Variants in DMD observed in about 807,000 individuals in gnomAD.
The protein encoded by DMD is dystrophin.
In DMD, 63 loss-of-function variants were observed where a neutral mutation model predicts 330.1. The observed-to-expected ratio is 0.19, with a 90% confidence interval of 0.16 to 0.24. The LOEUF (loss-of-function observed/expected upper bound fraction) is 0.24, where lower values mean the gene tolerates loss of function less well. Ranked by LOEUF, DMD falls within the 10% of genes least tolerant of loss-of-function variation. The pLI is 1.00. For missense variants in DMD, 3,344 were observed against 2,684.1 expected (o/e 1.25, Z -5.43); for synonymous variants, 1,223 against 959.8 (o/e 1.27, Z -5.07).
intron 41 of DMD, among the ~76,000 whole-genome samples, chrX:32,324,230 G>T (rs952042227): frequency 6.3e-5 from 7 of 111,284 alleles, no homozygotes; most frequent in African/African-American, 2.3e-4. Flanking sequence ...TACATTCTAT[G>T]CATGTAGCAA....
chrX:32,722,314 C>A (rs115396686), intron 7 of DMD, among the ~76,000 whole-genome samples: 1,862 of 110,530 alleles, frequency 0.017, 45 homozygotes, highest in African/African-American at 0.057. Context: ...AATATTAATA[C>A]AAGTAAAAAT....
intron 2 of DMD, among the ~76,000 whole-genome samples, chrX:32,865,012 T>A (rs1348636652): frequency 9.0e-6 from 1 of 111,692 alleles, no homozygotes; most frequent in East Asian, 2.8e-4. Context: ...AGTTGTAAGT[T>A]AAATAATATA....
intron 7 of DMD, among the ~76,000 whole-genome samples, chrX:32,727,795 C>T (rs1484694546): frequency 2.7e-5 from 3 of 110,612 alleles, no homozygotes; most frequent in Non-Finnish European, 5.7e-5. Context: ...AAAATATATT[C>T]CAATTCACTT....
At chrX:31,295,238 G>A (rs778068808) in intron 62 of DMD, among the ~76,000 whole-genome samples, 4 of 110,509 alleles carry the variant, frequency 3.6e-5, no homozygotes, top group Middle Eastern at 9.3e-3. Context: ...CTTGTGATCC[G>A]CCCACCTCGG....
At chrX:31,248,558 G>A (rs1270308466) in intron 63 of DMD, among the ~76,000 whole-genome samples, 1 of 111,552 alleles carries the variant, frequency 9.0e-6, no homozygotes, top group Admixed American at 9.5e-5. Context: ...TCTTGTTCCC[G>A]AAATATCTGC....
At chrX:32,848,383 AATCT>A (rs1003087573) in intron 3 of DMD, among the ~76,000 whole-genome samples, 3 of 111,871 alleles carry the variant, frequency 2.7e-5, no homozygotes, top group Middle Eastern at 4.6e-3. Context: ...ATTACACACA[AATCT>A]ATCTCTAACT....
At chrX:31,723,623 AACACACAC>A (rs55718177) in intron 52 of DMD, among the ~76,000 whole-genome samples, 69 of 77,651 alleles carry the variant, frequency 8.9e-4, no homozygotes, top group African/African-American at 3.0e-3. Flanking sequence ...TATCCTCCAC[AACACACAC>A]ACACACACAC....
At chrX:32,323,279 A>C (rs995071364) in intron 41 of DMD, among the ~76,000 whole-genome samples, 10 of 111,529 alleles carry the variant, frequency 9.0e-5, no homozygotes, top group African/African-American at 2.9e-4. Context: ...AGTATTCTTG[A>C]ATTTTGATAT....
intron 44 of DMD, among the ~76,000 whole-genome samples, chrX:32,045,341 G>GTTTT (rs768612902): frequency 3.1e-5 from 3 of 97,338 alleles, no homozygotes; most frequent in African/African-American, 1.2e-4. Context: ...TGAGCGATCT[G>GTTTT]TTTTGTTTTT....
chrX:33,008,840 A>ACATACT lies in DMD; in HGVS notation c.93+11298_93+11299insAGTATG, dbSNP rs1416188223. Among the ~76,000 whole-genome samples the ACATACT allele has an allele frequency of 4.7e-3, 467 of 98,811 alleles. 31 individuals carry two copies. Among genetic ancestry groups the ACATACT allele is most frequent in the African/African-American group, 0.016 (416 of 26,603 alleles). 85.8% of individuals were successfully genotyped at this position (98,811 alleles called of 115,157 possible). On this transcript the variant is annotated intron_variant, in intron 2 of 78. Coordinates refer to ENST00000357033, the MANE Select transcript of DMD (RefSeq NM_004006.3). ...CATAAATGTATACGTATATATATAC[A>ACATACT]CATATATGTATACGTGTATATATAC... is the stretch of plus-strand genomic sequence containing the variant.
intron 73 of DMD, among the ~76,000 whole-genome samples, chrX:31,172,013 C>T (rs1318267782): frequency 8.9e-6 from 1 of 111,751 alleles, no homozygotes; most frequent in Non-Finnish European, 1.9e-5. Context: ...AAATTAATAT[C>T]CTATCCCTTT....
At chrX:33,201,701 T>C (rs1274889555) in intron 1 of DMD, among the ~76,000 whole-genome samples, 3 of 112,501 alleles carry the variant, frequency 2.7e-5, no homozygotes, top group Non-Finnish European at 3.8e-5. Flanking sequence ...TAACCTACTG[T>C]TTATGCCAAG....
At chrX:32,348,298 A>G (rs1434675585) in intron 38 of DMD, 108 bp downstream of exon 38, 14 of 801,892 alleles carry the variant, frequency 1.7e-5, no homozygotes, top group Non-Finnish European at 2.6e-5. Flanking sequence ...TAGAATCATA[A>G]AATGTGTAAT....
intron 1 of DMD, among the ~76,000 whole-genome samples, chrX:33,066,672 C>CCTTTAAT (rs1305062845): frequency 9.1e-6 from 1 of 109,934 alleles, no homozygotes; most frequent in Non-Finnish European, 1.9e-5. Flanking sequence ...CCCATTTAAA[C>CCTTTAAT]CTTTAATTCT....
At position 33,275,274 on chromosome X, in the gene DMD, T is replaced by A. The variant is rs150048940; in HGVS notation, c.7+63985A>T. On this transcript the variant is annotated intron_variant, in intron 1 of 17. Coordinates refer to the DMD transcript ENST00000288447. ...TCATAAAATTAGCAATGAATACTGGTGGAGAGTCACACATGGGAAAGAGAA... is the reference window on the plus strand; with the variant it reads ...TCATAAAATTAGCAATGAATACTGGAGGAGAGTCACACATGGGAAAGAGAA... Among the ~76,000 whole-genome samples the A allele has an allele frequency of 5.8e-3, 640 of 111,176 alleles. 3 individuals carry two copies. Among genetic ancestry groups the A allele is most frequent in the African/African-American group, 0.021 (623 of 30,172 alleles).
intron 29 of DMD, among the ~76,000 whole-genome samples, chrX:32,433,910 G>A (rs1049978013): frequency 4.5e-5 from 5 of 111,752 alleles, no homozygotes; most frequent in South Asian, 3.7e-4. Context: ...GATTTGGTAC[G>A]TCTGTTGGAG....
At chrX:32,618,277 G>T (rs2057733586) in intron 11 of DMD, among the ~76,000 whole-genome samples, 1 of 112,229 alleles carries the variant, frequency 8.9e-6, no homozygotes, top group Non-Finnish European at 1.9e-5. Context: ...CTTATCAGTG[G>T]TAAACTGGAT....
chrX:33,226,477 A>G (rs1452277024), intron 1 of DMD, among the ~76,000 whole-genome samples: 2 of 111,797 alleles, frequency 1.8e-5, no homozygotes, highest in Non-Finnish European at 3.8e-5. Flanking sequence ...AAATAGCTAC[A>G]TAATACAGGG....
At chrX:31,564,217 C>G (rs2075349717) in intron 55 of DMD, among the ~76,000 whole-genome samples, 1 of 111,821 alleles carries the variant, frequency 8.9e-6, no homozygotes, top group Non-Finnish European at 1.9e-5. Context: ...AGACAACAGA[C>G]TTCTTTTGGT....
Sources: gnomAD v4.1 joint callset for allele counts (sites outside exome capture counted in the v4.1 genomes callset) on GRCh38, gnomAD v4.1.1 for gene constraint, MANE v1.5 for transcripts, NCBI Gene and HGNC (gene_info 2026-07-23, HGNC 2026-07-21) for gene names.